The following ATRNL1 variants were observed in gnomAD, a reference collection of about 807,000 sequenced individuals.
ATRNL1 encodes the protein attractin-like protein 1.
Under a neutral mutation model 182.7 loss-of-function variants are expected in ATRNL1, and 95 were observed. The ratio of observed to expected loss-of-function variants is 0.52; its 90% confidence interval spans 0.44 to 0.62. ATRNL1 has a LOEUF of 0.62. Ranked by LOEUF, ATRNL1 falls within the 20% of genes least tolerant of loss-of-function variation. The pLI is 0.00. For synonymous variants in ATRNL1, 576 were observed against 568.3 expected, an observed-to-expected ratio of 1.01 and a Z score of -0.19; for missense variants, 1,471 against 1,679.5, an observed-to-expected ratio of 0.88 and a Z score of 2.17.
intron 27 of ATRNL1, among the ~76,000 whole-genome samples, chr10:115,731,756 G>A (rs188935070): frequency 1.5e-4 from 22 of 151,578 alleles, no homozygotes; most frequent in African/African-American, 4.1e-4. Flanking sequence ...TCATCACCCC[G>A]AAAGAAACCC....
At chr10:115,584,541 G>A (rs1442229678) in intron 26 of ATRNL1, among the ~76,000 whole-genome samples, 5 of 138,126 alleles carry the variant, frequency 3.6e-5, no homozygotes, top group African/African-American at 7.6e-5. Context: ...TTGCATAGAG[G>A]TGTTTGTAGT....
intron 15 of ATRNL1, among the ~76,000 whole-genome samples, chr10:115,290,989 C>T (rs530951551): frequency 6.6e-6 from 1 of 152,324 alleles, no homozygotes; most frequent in Non-Finnish European, 1.5e-5. Flanking sequence ...GTAGCCTCCA[C>T]GTTGAACATG....
chr10:115,726,811 G>T (rs7894804), intron 26 of ATRNL1, among the ~76,000 whole-genome samples: 51,809 of 151,562 alleles, frequency 0.34, 10,138 homozygotes, highest in East Asian at 0.52. Context: ...TTCTATTAAT[G>T]CATTTTGACA....
At chr10:115,737,809 G>A (rs566832294) in intron 27 of ATRNL1, among the ~76,000 whole-genome samples, 1 of 152,198 alleles carries the variant, frequency 6.6e-6, no homozygotes, top group African/African-American at 2.4e-5. Context: ...GAGAGTCCAG[G>A]TATAGTCTTT....
chr10:115,571,804 T>A (rs544898767), intron 26 of ATRNL1, among the ~76,000 whole-genome samples: 17 of 152,084 alleles, frequency 1.1e-4, no homozygotes, highest in African/African-American at 4.1e-4. Context: ...AAACTAATAT[T>A]TCTATTATAA....
chr10:115,096,073 T>A (rs1243437836), intron 1 of ATRNL1, among the ~76,000 whole-genome samples: 1 of 152,196 alleles, frequency 6.6e-6, no homozygotes, highest in African/African-American at 2.4e-5. Context: ...TGAGAGGTGG[T>A]GTTCATAAAC....
chr10:115,803,753 A>G (rs1949853751), intron 27 of ATRNL1, among the ~76,000 whole-genome samples: 1 of 152,092 alleles, frequency 6.6e-6, no homozygotes, highest in South Asian at 2.1e-4. Flanking sequence ...GGTTACTAAC[A>G]TATAAATAAA....
chr10:115,584,296 A>G (rs372814077), intron 26 of ATRNL1, among the ~76,000 whole-genome samples: 1 of 128,868 alleles, frequency 7.8e-6, no homozygotes, highest in African/African-American at 2.7e-5. Flanking sequence ...CTCTTTTTCT[A>G]TTGATTGGAA....
chr10:115,620,323 C>T (rs1018991217), intron 26 of ATRNL1, among the ~76,000 whole-genome samples: 3 of 152,126 alleles, frequency 2.0e-5, no homozygotes, highest in African/African-American at 7.2e-5. Context: ...CCTCATGACC[C>T]AAGCACCTCT....
intron 13 of ATRNL1, among the ~76,000 whole-genome samples, chr10:115,268,902 G>A (rs1851721123): frequency 6.6e-6 from 1 of 152,104 alleles, no homozygotes. Flanking sequence ...TCTTTTAACT[G>A]TCTATACATT....
chr10:115,542,332 A>G (rs1304245041), intron 25 of ATRNL1, among the ~76,000 whole-genome samples: 3 of 152,102 alleles, frequency 2.0e-5, no homozygotes, highest in African/African-American at 4.8e-5. Context: ...TAAATTTTTC[A>G]TAAATGATAT....
At chr10:115,255,795 A>G (rs1851100241) in intron 10 of ATRNL1, among the ~76,000 whole-genome samples, 1 of 152,126 alleles carries the variant, frequency 6.6e-6, no homozygotes, top group Admixed American at 6.6e-5. Flanking sequence ...AGCTCTTATT[A>G]TTTTGAGATA....
At chr10:115,645,545 T>C (rs1555031984) in intron 26 of ATRNL1, among the ~76,000 whole-genome samples, 1 of 150,458 alleles carries the variant, frequency 6.6e-6, no homozygotes, top group African/African-American at 2.4e-5. Flanking sequence ...TATTTCTCCT[T>C]TTTTGAATGC....
At chr10:115,107,677 TC>T (rs2143495749) in intron 1 of ATRNL1, among the ~76,000 whole-genome samples, 1 of 152,234 alleles carries the variant, frequency 6.6e-6, no homozygotes, top group Non-Finnish European at 1.5e-5. Flanking sequence ...TGCTGTAGCA[TC>T]CTTTCAGATC....
intron 27 of ATRNL1, among the ~76,000 whole-genome samples, chr10:115,773,313 A>C (rs1249849889): frequency 1.3e-5 from 2 of 152,296 alleles, no homozygotes; most frequent in South Asian, 4.1e-4. Flanking sequence ...CTTAAAATTC[A>C]TATGCCCAGA....
intron 24 of ATRNL1, among the ~76,000 whole-genome samples, chr10:115,519,021 A>G (rs1814127964): frequency 6.6e-6 from 1 of 151,958 alleles, no homozygotes; most frequent in South Asian, 2.1e-4. Flanking sequence ...GTGCATCCTT[A>G]AAGTAATTAT....
At chr10:115,882,266 G>A (rs1178037956) in intron 28 of ATRNL1, among the ~76,000 whole-genome samples, 1 of 152,180 alleles carries the variant, frequency 6.6e-6, no homozygotes, top group African/African-American at 2.4e-5. Flanking sequence ...CCTGCAGGGT[G>A]CCCACACTAG....
intron 19 of ATRNL1, among the ~76,000 whole-genome samples, chr10:115,377,289 T>G (rs1409320951): frequency 1.3e-5 from 2 of 152,164 alleles, no homozygotes; most frequent in East Asian, 3.9e-4. Context: ...TCTCACGAGG[T>G]CTGATGGTAC....
At position 115,097,446 on chromosome 10, in the gene ATRNL1, A is replaced by G. The variant is rs116295933; in HGVS notation, c.293+3403A>G. 3.7e-3 allele frequency among the ~76,000 whole-genome samples: 566 copies of G among 152,318 alleles called. 7 individuals carry two copies. The highest frequency in any genetic ancestry group is 0.013 in the African/African-American group (557 of 41,560). ...GGCTGCAGTGAGCTGTAATCACGCC[A>G]CTGCGCTCCAGCTTGGGTATCAGAG... On this transcript the variant is annotated intron_variant, in intron 1 of 28. Transcript: ENST00000355044.
Sources: gnomAD v4.1 joint callset for allele counts (sites outside exome capture counted in the v4.1 genomes callset) on GRCh38, gnomAD v4.1.1 for gene constraint, MANE v1.5 for transcripts, NCBI Gene and HGNC (gene_info 2026-07-23, HGNC 2026-07-21) for gene names.